Variants in CRTC1 observed in about 807,000 individuals in gnomAD.
The protein encoded by CRTC1 is CREB regulated transcription coactivator 1.
CRTC1 carries 18 observed loss-of-function variants against 66.1 expected under a neutral mutation model. The ratio of observed to expected loss-of-function variants is 0.27; its 90% CI spans 0.19 to 0.40. The LOEUF is 0.40. Among genes scored for constraint, CRTC1 ranks in the 10% least tolerant of loss-of-function variants. The pLI is 1.00. For missense variants in CRTC1, 669 were observed against 887.9 expected, an observed-to-expected ratio of 0.75 and a Z score of 3.13; for synonymous variants, 416 against 398.8, an observed-to-expected ratio of 1.04 and a Z score of -0.51.
At chr19:18,738,699 C>G (rs886815002) in intron 1 of CRTC1, among the ~76,000 whole-genome samples, 2 of 152,162 alleles carry the variant, frequency 1.3e-5, no homozygotes, top group African/African-American at 4.8e-5. Context: ...ACTCAGGAGG[C>G]TGAGGCAGGA....
intron 13 of CRTC1, among the ~76,000 whole-genome samples, chr19:18,776,833 C>T (rs1230567367): frequency 6.6e-6 from 1 of 152,202 alleles, no homozygotes; most frequent in Non-Finnish European, 1.5e-5. Context: ...CCGAGCAGCC[C>T]TCATGGCTGA....
intron 1 of CRTC1, among the ~76,000 whole-genome samples, chr19:18,726,410 A>C (rs1428643611): frequency 6.6e-6 from 1 of 152,204 alleles, no homozygotes; most frequent in Non-Finnish European, 1.5e-5. Flanking sequence ...ATGAGGTGAG[A>C]GCCATGGGCA....
intron 1 of CRTC1, among the ~76,000 whole-genome samples, chr19:18,710,678 C>G (rs1001682974): frequency 2.7e-4 from 41 of 152,278 alleles, no homozygotes; most frequent in African/African-American, 7.9e-4. Flanking sequence ...ATGGCTTGAT[C>G]TCGGCTCACT....
At chr19:18,721,440 A>G (rs1443929956) in intron 1 of CRTC1, among the ~76,000 whole-genome samples, 1 of 140,710 alleles carries the variant, frequency 7.1e-6, no homozygotes, top group Non-Finnish European at 1.5e-5. Context: ...TGATCCACCC[A>G]CCTTGGCCTC....
intron 1 of CRTC1, among the ~76,000 whole-genome samples, chr19:18,736,935 G>A (rs1435209174): frequency 2.0e-5 from 3 of 152,188 alleles, no homozygotes; most frequent in Non-Finnish European, 4.4e-5. Context: ...GCTGGCAGGT[G>A]GAGGTGTCGC....
chr19:18,733,795 G>C (rs745461486), intron 1 of CRTC1, among the ~76,000 whole-genome samples: 6 of 152,222 alleles, frequency 3.9e-5, no homozygotes, highest in Non-Finnish European at 7.3e-5. Flanking sequence ...AAATGCAAGA[G>C]CTAGAAGTGT....
intron 4 of CRTC1, 67 bp downstream of exon 4, chr19:18,747,181 T>C: frequency 9.1e-7 from 1 of 1,101,668 alleles, no homozygotes; most frequent in Non-Finnish European, 1.3e-6. Flanking sequence ...CTCATCATGG[T>C]TACATGTGGA....
intron 4 of CRTC1, among the ~76,000 whole-genome samples, chr19:18,748,273 T>C (rs2054288871): frequency 6.6e-6 from 1 of 151,622 alleles, no homozygotes; most frequent in Non-Finnish European, 1.5e-5. Flanking sequence ...TTCTGAGACA[T>C]GGTCACACTC....
chr19:18,773,230 T>C (rs1260392117), intron 11 of CRTC1, among the ~76,000 whole-genome samples: 1 of 152,008 alleles, frequency 6.6e-6, no homozygotes, highest in Non-Finnish European at 1.5e-5. Context: ...CTGCCTTCCC[T>C]CTGCACTGGG....
intron 6 of CRTC1, among the ~76,000 whole-genome samples, chr19:18,757,098 C>G (rs937062012): frequency 6.6e-6 from 1 of 152,188 alleles, no homozygotes; most frequent in Non-Finnish European, 1.5e-5. Flanking sequence ...CCTCTGCCAG[C>G]ATGTTCGCCT....
At chr19:18,702,950 A>T (rs1200416816) in intron 1 of CRTC1, among the ~76,000 whole-genome samples, 1 of 151,560 alleles carries the variant, frequency 6.6e-6, no homozygotes, top group African/African-American at 2.4e-5. Flanking sequence ...CAGTTGTCAC[A>T]GTTCTTTTTT....
intron 1 of CRTC1, among the ~76,000 whole-genome samples, chr19:18,714,313 T>A (rs1361570042): frequency 2.1e-4 from 32 of 151,532 alleles, no homozygotes; most frequent in South Asian, 2.1e-4. Flanking sequence ...AAACTAACAC[T>A]CTTTTTTTTT....
rs1487102370 is a variant in CRTC1, at chr19:18,683,692, G to A, written c.-11G>A. On this transcript the variant is annotated 5_prime_UTR_variant, in exon 1 of 14. Coordinates refer to ENST00000321949, the MANE Select transcript of CRTC1 (RefSeq NM_015321.3). ...GGAGGAGGAGGAGGAGGAGGAGGTG[G>A]CGGCGAGAAGATGGCGACTTCGAAC... 4 of 1,394,234 alleles carry A rather than the reference G, an allele frequency of 2.9e-6. No individual in the cohort carries two copies. In the African/African-American group the frequency reaches 4.6e-5, roughly 16 times the overall value. The allele number at this position is 1,394,234 out of a possible 1,614,324, so 86.4% of individuals were successfully genotyped here.
chr19:18,777,624 C>A lies in CRTC1; in HGVS notation c.*242C>A. The A allele has an allele frequency of 5.8e-6, 3 of 515,500 alleles. No homozygotes were observed. The highest frequency in any genetic ancestry group is 1.0e-5 in the Non-Finnish European group (3 of 292,138). 31.9% of individuals were successfully genotyped at this position (515,500 alleles called of 1,614,324 possible). On this transcript the variant is annotated 3_prime_UTR_variant, in exon 14 of 14. Coordinates refer to ENST00000321949, the MANE Select transcript of CRTC1 (RefSeq NM_015321.3). This position sits in a 1 kb window ranked among gnomAD's most constrained non-coding sequence, Gnocchi z 5.5. ...CTGGGCTGGGATCGGAGGCCGTGAG[C>A]CTCCCGCCCCTGCAGACCCTCCCTG...
chr19:18,760,962 C>T lies in CRTC1; in HGVS notation c.886+734C>T, dbSNP rs984567508. Among the ~76,000 whole-genome samples the T allele has an allele frequency of 2.0e-5, 3 of 151,928 alleles. No homozygotes were observed. The highest frequency in any genetic ancestry group is 7.3e-5 in the African/African-American group (3 of 41,364). On this transcript the variant is annotated intron_variant, in intron 8 of 13. Transcript: ENST00000321949. This position sits in a 1 kb window ranked among gnomAD's most constrained non-coding sequence, Gnocchi z 6.2. ...TAGAACAGCCACCAGCCATGGCTTC[C>T]TCCACTTGGGACCTCGCACGGCCCC...
intron 1 of CRTC1, among the ~76,000 whole-genome samples, chr19:18,693,813 G>A (rs1473687362): frequency 2.0e-5 from 3 of 151,404 alleles, no homozygotes; most frequent in Non-Finnish European, 4.4e-5. Context: ...GCACACTGAT[G>A]TACTCTGTTT....
At chr19:18,715,195 T>A (rs2053479341) in intron 1 of CRTC1, among the ~76,000 whole-genome samples, 1 of 152,232 alleles carries the variant, frequency 6.6e-6, no homozygotes, top group Non-Finnish European at 1.5e-5. Flanking sequence ...TGTCTTCACA[T>A]GGCCTGTGTG....
intron 1 of CRTC1, among the ~76,000 whole-genome samples, chr19:18,719,122 T>C (rs2145618177): frequency 1.3e-5 from 2 of 152,192 alleles, no homozygotes; most frequent in South Asian, 4.1e-4. Flanking sequence ...ATGGGAGTGA[T>C]GAGGCAGGCA....
chr19:18,688,500 G>A (rs913747948), intron 1 of CRTC1, among the ~76,000 whole-genome samples: 2 of 151,888 alleles, frequency 1.3e-5, no homozygotes, highest in African/African-American at 2.4e-5. Context: ...GTGTGGTGGT[G>A]CGATCTTGAC....
Sources: allele counts gnomAD v4.1 joint callset (sites outside exome capture counted in the v4.1 genomes callset), GRCh38; gene constraint gnomAD v4.1.1; non-coding constraint Gnocchi (gnomAD v3.1); transcripts MANE v1.5; gene names NCBI Gene and HGNC (gene_info 2026-07-23, HGNC 2026-07-21).